Variants in RAB22A observed in about 807,000 individuals in gnomAD.
RAB22A encodes RAB22A, member RAS oncogene family.
RAB22A carries 13 observed loss-of-function variants against 30.2 expected under a neutral mutation model. The observed-to-expected ratio is 0.43, with a 90% CI of 0.28 to 0.68. RAB22A has a LOEUF of 0.68. RAB22A is among the 30% of genes least tolerant of loss of function. The pLI is 0.18. For missense variants in RAB22A, 177 were observed against 246.8 expected, an observed-to-expected ratio of 0.72 and a Z score of 1.89; for synonymous variants, 89 against 87.2, an observed-to-expected ratio of 1.02 and a Z score of -0.11.
intron 3 of RAB22A, among the ~76,000 whole-genome samples, chr20:58,345,005 G>C (rs1986922460): frequency 1.3e-5 from 2 of 152,022 alleles, no homozygotes; most frequent in South Asian, 4.2e-4. Flanking sequence ...CTGGACCTTT[G>C]CTAACCATCC....
chr20:58,343,052 A>G (rs1371816753), intron 2 of RAB22A, among the ~76,000 whole-genome samples: 1 of 152,200 alleles, frequency 6.6e-6, no homozygotes, highest in African/African-American at 2.4e-5. Flanking sequence ...TGTGACCTGC[A>G]AACCATGATT....
At chr20:58,328,179 A>G in intron 2 of RAB22A, among the ~76,000 whole-genome samples, 1 of 152,130 alleles carries the variant, frequency 6.6e-6, no homozygotes, top group East Asian at 1.9e-4. Context: ...ATTTGCGAAA[A>G]AAATGTTATA....
intron 3 of RAB22A, among the ~76,000 whole-genome samples, chr20:58,348,232 A>G (rs560866): frequency 0.49 from 74,564 of 151,966 alleles, 18,841 homozygotes; most frequent in South Asian, 0.68. Flanking sequence ...ATCTCAAAAA[A>G]AAAAAGCTTC....
At chr20:58,323,618 T>C (rs1986500554) in intron 2 of RAB22A, among the ~76,000 whole-genome samples, 1 of 150,112 alleles carries the variant, frequency 6.7e-6, no homozygotes, top group African/African-American at 2.4e-5. Context: ...CGTGCCCTTT[T>C]TTTTTTCTTT....
In RAB22A at chr20:58,359,665, C is replaced by T; in HGVS notation, c.547C>T (p.Arg183Ter). Residue 183 changes from arginine (R) to a stop codon, truncating the protein, a stop_gained, in exon 7 of 7, where the codon CGA becomes TGA. Coordinates refer to ENST00000244040, the MANE Select transcript of RAB22A (RefSeq NM_020673.3). LOFTEE classifies it high-confidence loss of function. ...ATCTGGCGGTAAGGGCTTCAAACTC[C>T]GAAGACAGCCTTCAGAGCCAAAGCG... ...LPSGGKGFKLRRQPSEPKRSC... is the reference protein window; with the variant it reads ...LPSGGKGFKL The T allele has an allele frequency of 6.2e-7, 1 of 1,612,886 alleles. No individual in the cohort carries two copies. Among genetic ancestry groups the T allele is most frequent in the Non-Finnish European group, 8.5e-7 (1 of 1,179,036 alleles).
In RAB22A at chr20:58,363,002, CTTTTCT is replaced by C. The variant is rs1377506992; in HGVS notation, c.*3300_*3305del. Reference sequence around the variant, plus strand: ...TTCTCTTTACGTCTTGTATGTATTTCTTTTCTGTTCTCAAGGAGGAAAATTGGTCTA... The same window carrying C: ...TTCTCTTTACGTCTTGTATGTATTTCGTTCTCAAGGAGGAAAATTGGTCTA... On this transcript the variant is annotated 3_prime_UTR_variant, in exon 7 of 7. Transcript: ENST00000244040. 2.0e-5 allele frequency: 3 copies of C among 152,166 alleles called. No homozygotes were observed. Among genetic ancestry groups the C allele is most frequent in the Non-Finnish European group, 4.4e-5 (3 of 68,012 alleles). 9.4% of individuals were successfully genotyped at this position (152,166 alleles called of 1,614,324 possible).
chr20:58,339,952 C>T (rs536577198), intron 2 of RAB22A, among the ~76,000 whole-genome samples: 82 of 152,284 alleles, frequency 5.4e-4, no homozygotes, highest in Non-Finnish European at 9.4e-4. Flanking sequence ...GCAACCTCCC[C>T]CTCCCATGTC....
intron 2 of RAB22A, among the ~76,000 whole-genome samples, chr20:58,318,970 A>G (rs1482664011): frequency 1.3e-5 from 2 of 152,260 alleles, no homozygotes; most frequent in Admixed American, 1.3e-4. Flanking sequence ...AAAATTGCTT[A>G]GAATGGTGTA....
chr20:58,329,327 AC>A (rs1171184965), intron 2 of RAB22A, among the ~76,000 whole-genome samples: 1 of 152,200 alleles, frequency 6.6e-6, no homozygotes, highest in Non-Finnish European at 1.5e-5. Flanking sequence ...TGCTGGGATT[AC>A]AGGCATGAGC....
At chr20:58,310,930 A>G in intron 1 of RAB22A, 113 bp from the exon 2 acceptor site, 1 of 839,190 alleles carries the variant, frequency 1.2e-6, no homozygotes, top group East Asian at 2.4e-5. Context: ...CGTTTATAAA[A>G]TTTACACGTC....
intron 2 of RAB22A, among the ~76,000 whole-genome samples, chr20:58,336,485 A>C (rs946284919): frequency 2.0e-5 from 3 of 152,208 alleles, no homozygotes; most frequent in Admixed American, 2.0e-4. Flanking sequence ...CTTTAAGGAT[A>C]CTGCCTGGAA....
chr20:58,351,516 A>G (rs1048645463), intron 3 of RAB22A, among the ~76,000 whole-genome samples: 3 of 151,890 alleles, frequency 2.0e-5, no homozygotes, highest in Non-Finnish European at 4.4e-5. Context: ...ATTTTAAAAG[A>G]AATGGAACAG....
At chr20:58,344,477 C>A (rs1035432955) in intron 3 of RAB22A, among the ~76,000 whole-genome samples, 1 of 152,004 alleles carries the variant, frequency 6.6e-6, no homozygotes. Flanking sequence ...CTGCCTCCTC[C>A]CCTTTGCTCT....
intron 2 of RAB22A, among the ~76,000 whole-genome samples, chr20:58,332,537 A>T (rs987227962): frequency 1.3e-5 from 2 of 152,222 alleles, no homozygotes; most frequent in African/African-American, 4.8e-5. Flanking sequence ...TAAAATGTCC[A>T]TATAAAGTCA....
intron 2 of RAB22A, among the ~76,000 whole-genome samples, chr20:58,336,698 T>C (rs1986761450): frequency 6.6e-6 from 1 of 152,208 alleles, no homozygotes; most frequent in Non-Finnish European, 1.5e-5. Flanking sequence ...TTTTTTAAAA[T>C]ATTTTTAGAA....
At chr20:58,347,630 T>C (rs1189564870) in intron 3 of RAB22A, among the ~76,000 whole-genome samples, 2 of 152,210 alleles carry the variant, frequency 1.3e-5, no homozygotes, top group Non-Finnish European at 2.9e-5. Context: ...GAAAATTAGC[T>C]CCTGGCTGCA....
intron 2 of RAB22A, among the ~76,000 whole-genome samples, chr20:58,334,475 T>C (rs1052097757): frequency 6.6e-6 from 1 of 152,080 alleles, no homozygotes; most frequent in Non-Finnish European, 1.5e-5. Context: ...AATAATTATA[T>C]TGACTGTAAG....
At chr20:58,323,142 C>T (rs1260351373) in intron 2 of RAB22A, among the ~76,000 whole-genome samples, 1 of 152,034 alleles carries the variant, frequency 6.6e-6, no homozygotes, top group Non-Finnish European at 1.5e-5. Context: ...TCTTGAGTTT[C>T]TCTCAGTGTT....
At position 58,310,753 on chromosome 20, in the gene RAB22A, A is replaced by G. The variant is rs563742445; in HGVS notation, c.37-290A>G. On this transcript the variant is annotated intron_variant, in intron 1 of 6. Transcript: ENST00000244040. ...ACTCAGGAGTTCAAAGTTTACTAAC[A>G]TATGTTAAAAAGCAAGTGGACTTGT... Among the ~76,000 whole-genome samples the G allele has an allele frequency of 3.9e-5, 6 of 152,382 alleles. No homozygotes were observed. In the South Asian group the frequency reaches 6.2e-4, roughly 16 times the overall value.
Sources: allele counts gnomAD v4.1 joint callset (sites outside exome capture counted in the v4.1 genomes callset), GRCh38; gene constraint gnomAD v4.1.1; transcripts MANE v1.5; gene names NCBI Gene and HGNC (gene_info 2026-07-23, HGNC 2026-07-21).